The following PCDH9 variants were observed in gnomAD, a reference collection of about 807,000 sequenced individuals.
PCDH9 encodes protocadherin-9.
A neutral mutation model predicts 70.6 loss-of-function variants in PCDH9; 24 were observed. The ratio of observed to expected loss-of-function variants is 0.34; its 90% CI spans 0.25 to 0.48. The LOEUF is 0.48. PCDH9 is among the 20% of genes least tolerant of loss of function. The pLI, the probability that PCDH9 is intolerant of heterozygous loss-of-function variation, is 0.99. For missense variants in PCDH9, 1,281 were observed against 1,503.6 expected, an observed-to-expected ratio of 0.85 and a Z score of 2.45; for synonymous variants, 562 against 558.5, an observed-to-expected ratio of 1.01 and a Z score of -0.09.
At chr13:66,728,807 G>C (rs1042901230) in intron 3 of PCDH9, among the ~76,000 whole-genome samples, 12 of 151,818 alleles carry the variant, frequency 7.9e-5, no homozygotes, top group Admixed American at 5.9e-4. Flanking sequence ...TTTGATAAAG[G>C]TCCTTGATAC....
At chr13:67,143,738 C>A (rs1471129842) in intron 2 of PCDH9, among the ~76,000 whole-genome samples, 1 of 151,856 alleles carries the variant, frequency 6.6e-6, no homozygotes, top group African/African-American at 2.4e-5. Flanking sequence ...TAGACCAGAC[C>A]CTGAGGAAGA....
intron 3 of PCDH9, among the ~76,000 whole-genome samples, chr13:66,838,936 A>G (rs935900479): frequency 2.0e-5 from 3 of 152,108 alleles, no homozygotes; most frequent in Non-Finnish European, 4.4e-5. Flanking sequence ...CTGCAAATAC[A>G]TTTTGAACTA....
intron 3 of PCDH9, among the ~76,000 whole-genome samples, chr13:66,677,639 G>A (rs769478056): frequency 7.9e-5 from 12 of 151,904 alleles, no homozygotes; most frequent in African/African-American, 1.2e-4. Flanking sequence ...ACCTCTCTCC[G>A]CCTCCCCTCC....
chr13:66,870,219 T>G (rs1055744748), intron 3 of PCDH9, among the ~76,000 whole-genome samples: 11 of 152,098 alleles, frequency 7.2e-5, no homozygotes, highest in South Asian at 2.1e-4. Context: ...GTTTGTCAAA[T>G]ATCAGATAGT....
intron 2 of PCDH9, among the ~76,000 whole-genome samples, chr13:66,903,911 C>T (rs528926760): frequency 5.9e-4 from 90 of 151,972 alleles, no homozygotes; most frequent in African/African-American, 2.0e-3. Context: ...AAAAGTTATA[C>T]GGTGCTATTT....
At chr13:66,313,406 A>T (rs937406033) in intron 4 of PCDH9, among the ~76,000 whole-genome samples, 3 of 152,200 alleles carry the variant, frequency 2.0e-5, no homozygotes, top group African/African-American at 7.2e-5. Context: ...AACTTGGTAA[A>T]TCTAATTTGA....
intron 4 of PCDH9, among the ~76,000 whole-genome samples, chr13:66,626,945 A>T (rs1440272117): frequency 4.5e-5 from 5 of 112,192 alleles, no homozygotes; most frequent in Non-Finnish European, 9.4e-5. Flanking sequence ...ATTAGATCAA[A>T]TGCCACTGTG....
intron 3 of PCDH9, among the ~76,000 whole-genome samples, chr13:66,850,249 T>TGGCTCACGCCTGTAATGCC (rs1312292856): frequency 2.6e-5 from 4 of 152,238 alleles, no homozygotes; most frequent in African/African-American, 9.6e-5. Context: ...CCAGTCATGG[T>TGGCTCACGCCTGTAATGCC]GGCTCACGCC....
intron 2 of PCDH9, among the ~76,000 whole-genome samples, chr13:67,193,595 A>T (rs1479104659): frequency 6.6e-6 from 1 of 152,166 alleles, no homozygotes; most frequent in Admixed American, 6.5e-5. Context: ...GTTTTTCTGA[A>T]ATAAATGTCA....
chr13:66,319,884 C>T (rs977046599), intron 4 of PCDH9, among the ~76,000 whole-genome samples: 1 of 152,046 alleles, frequency 6.6e-6, no homozygotes, highest in Non-Finnish European at 1.5e-5. Flanking sequence ...CTGTGAAGAC[C>T]TAAATGGTCT....
chr13:66,316,566 G>A lies in PCDH9; in HGVS notation c.3341-11538C>T, dbSNP rs545332839. On this transcript the variant is annotated intron_variant, in intron 4 of 4. Transcript: ENST00000377865. ...GCTTAATGTAGTCTCAGGGTCTGTG[G>A]ATTTGGTATTATGTATGCCTGGAAT... Among the ~76,000 whole-genome samples the A allele has an allele frequency of 1.1e-4, 17 of 152,200 alleles. No individual in the cohort carries two copies. In the South Asian group the frequency reaches 3.1e-3, roughly 28 times the overall value.
intron 4 of PCDH9, among the ~76,000 whole-genome samples, chr13:66,340,322 G>A (rs1369786989): frequency 2.6e-5 from 4 of 152,262 alleles, no homozygotes; most frequent in African/African-American, 9.6e-5. Flanking sequence ...AGATTTGGGA[G>A]GCACAAAAGA....
chr13:66,473,891 C>T (rs1016610024), intron 4 of PCDH9, among the ~76,000 whole-genome samples: 1 of 151,950 alleles, frequency 6.6e-6, no homozygotes, highest in East Asian at 1.9e-4. Flanking sequence ...ATAAGTTTGC[C>T]GTTATCAAAC....
chr13:66,640,591 A>G (rs531282522), intron 3 of PCDH9, among the ~76,000 whole-genome samples: 8 of 152,132 alleles, frequency 5.3e-5, no homozygotes, highest in African/African-American at 1.7e-4. Context: ...GTCCTCATGT[A>G]TTGCTGAAAA....
intron 3 of PCDH9, among the ~76,000 whole-genome samples, chr13:66,690,204 A>G (rs2078462561): frequency 6.6e-6 from 1 of 152,196 alleles, no homozygotes; most frequent in South Asian, 2.1e-4. Context: ...TACTTTTTTG[A>G]TGGAGTAATG....
chr13:67,113,620 T>G (rs1321224289), intron 2 of PCDH9, among the ~76,000 whole-genome samples: 2 of 151,920 alleles, frequency 1.3e-5, no homozygotes, highest in Non-Finnish European at 2.9e-5. Flanking sequence ...CCATCTCGGC[T>G]CACTGCAAGC....
At chr13:67,153,670 T>C (rs576830011) in intron 2 of PCDH9, among the ~76,000 whole-genome samples, 4 of 152,364 alleles carry the variant, frequency 2.6e-5, no homozygotes, top group African/African-American at 9.6e-5. Flanking sequence ...GGAAGTTATA[T>C]ACTTAAGCAA....
intron 4 of PCDH9, among the ~76,000 whole-genome samples, chr13:66,471,279 A>G (rs534932158): frequency 6.6e-6 from 1 of 152,144 alleles, no homozygotes; most frequent in Non-Finnish European, 1.5e-5. Flanking sequence ...CAACAAAGAG[A>G]ACCAATGGTG....
chr13:66,835,375 C>A (rs543155925), intron 3 of PCDH9, among the ~76,000 whole-genome samples: 7 of 152,032 alleles, frequency 4.6e-5, no homozygotes, highest in South Asian at 4.1e-4. Flanking sequence ...AGGCTGAAAG[C>A]CTCTAAATCT....
Sources: gnomAD v4.1 joint callset for allele counts (sites outside exome capture counted in the v4.1 genomes callset) on GRCh38, gnomAD v4.1.1 for gene constraint, MANE v1.5 for transcripts, NCBI Gene and HGNC (gene_info 2026-07-23, HGNC 2026-07-21) for gene names.